RSU1: variants seen among roughly 807,000 people sequenced by gnomAD.
RSU1 encodes Ras suppressor protein 1.
Under a neutral mutation model 31.1 loss-of-function variants are expected in RSU1, and 26 were observed. The observed-to-expected ratio is 0.84, with a 90% CI of 0.61 to 1.16. RSU1 has a LOEUF of 1.16. RSU1 is among the 50% of genes most tolerant of loss of function. The pLI, the probability that RSU1 is intolerant of heterozygous loss-of-function variation, is 0.00. For missense variants in RSU1, 320 were observed against 339.1 expected (o/e 0.94, Z 0.44); for synonymous variants, 164 against 136.3 (o/e 1.20, Z -1.41).
At chr10:16,624,903 C>T (rs955532071) in intron 8 of RSU1, among the ~76,000 whole-genome samples, 3 of 152,146 alleles carry the variant, frequency 2.0e-5, no homozygotes, top group Non-Finnish European at 4.4e-5. Flanking sequence ...CTGAAGGCTA[C>T]AGCTGGCTTC....
At chr10:16,728,431 A>T (rs138500796) in intron 7 of RSU1, among the ~76,000 whole-genome samples, 1 of 152,342 alleles carries the variant, frequency 6.6e-6, no homozygotes, top group African/African-American at 2.4e-5. Context: ...TGGAATCAGG[A>T]TCAGGAAGTG....
At position 16,702,980 on chromosome 10, in the gene RSU1, T is replaced by G. The variant is rs115876235; in HGVS notation, c.599-7825A>C. Among the ~76,000 whole-genome samples, 1,219 of 152,288 alleles carry G rather than the reference T, an allele frequency of 8.0e-3. 22 individuals are homozygous for G. Among genetic ancestry groups the G allele is most frequent in the South Asian group, 0.024 (118 of 4,822 alleles). ...CATAAGAGTAATCCTTCATGAATGA[T>G]TTAGCAACATCCCTCTGGTGCTGTT... On this transcript the variant is annotated intron_variant, in intron 7 of 8. Coordinates refer to ENST00000345264, the MANE Select transcript of RSU1 (RefSeq NM_012425.4).
At chr10:16,709,394 A>G (rs1346333302) in intron 7 of RSU1, among the ~76,000 whole-genome samples, 12 of 152,224 alleles carry the variant, frequency 7.9e-5, no homozygotes, top group Non-Finnish European at 1.6e-4. Context: ...CCAGTCTATC[A>G]TTGTTGGACA....
At chr10:16,755,977 C>A (rs1162111836) in intron 4 of RSU1, among the ~76,000 whole-genome samples, 4 of 152,214 alleles carry the variant, frequency 2.6e-5, no homozygotes, top group Non-Finnish European at 5.9e-5. Context: ...CAAACCATTA[C>A]AAAATATCTT....
chr10:16,690,651 T>C (rs1835529989), intron 8 of RSU1, among the ~76,000 whole-genome samples: 1 of 152,216 alleles, frequency 6.6e-6, no homozygotes, highest in Non-Finnish European at 1.5e-5. Flanking sequence ...CATTAGAGCC[T>C]ATAAATCAGA....
intron 4 of RSU1, among the ~76,000 whole-genome samples, chr10:16,764,121 T>C (rs1837263527): frequency 6.6e-6 from 1 of 152,212 alleles, no homozygotes; most frequent in African/African-American, 2.4e-5. Context: ...AGAACTGAGA[T>C]AAAATTTTAC....
intron 8 of RSU1, among the ~76,000 whole-genome samples, chr10:16,670,595 A>G (rs547080552): frequency 1.3e-5 from 2 of 152,272 alleles, no homozygotes; most frequent in Admixed American, 1.3e-4. Context: ...TTGCTTCCTG[A>G]ATTCCAAGCC....
intron 8 of RSU1, among the ~76,000 whole-genome samples, chr10:16,618,682 C>T (rs373898782): frequency 6.6e-5 from 10 of 152,258 alleles, no homozygotes; most frequent in Middle Eastern, 3.4e-3. Context: ...TTTGCAGGGA[C>T]ATGGATGAAG....
chr10:16,602,538 G>T (rs1392231614), intron 8 of RSU1, among the ~76,000 whole-genome samples: 4 of 152,200 alleles, frequency 2.6e-5, no homozygotes, highest in Non-Finnish European at 5.9e-5. Flanking sequence ...CTGCAGGGCA[G>T]GGAGTGCAGG....
At chr10:16,795,922 T>C (rs1408554058) in intron 2 of RSU1, among the ~76,000 whole-genome samples, 1 of 152,178 alleles carries the variant, frequency 6.6e-6, no homozygotes, top group Non-Finnish European at 1.5e-5. Flanking sequence ...CATTCTCCGC[T>C]TGAGCAGCAG....
At chr10:16,754,597 G>T (rs1837046288) in intron 5 of RSU1, among the ~76,000 whole-genome samples, 1 of 147,192 alleles carries the variant, frequency 6.8e-6, no homozygotes, top group Non-Finnish European at 1.5e-5. Flanking sequence ...AAGTCTCTTA[G>T]CTAAATGTGA....
intron 3 of RSU1, among the ~76,000 whole-genome samples, chr10:16,780,879 T>G (rs914931240): frequency 2.0e-5 from 3 of 152,202 alleles, no homozygotes; most frequent in Non-Finnish European, 2.9e-5. Flanking sequence ...CACCACTACT[T>G]AAGTGTGACA....
chr10:16,767,875 C>G (rs1286484673), intron 3 of RSU1, among the ~76,000 whole-genome samples: 3 of 152,150 alleles, frequency 2.0e-5, no homozygotes, highest in South Asian at 2.1e-4. Flanking sequence ...CAACCAAACT[C>G]TCTGAAAAAA....
At chr10:16,612,067 A>G (rs1833899146) in intron 8 of RSU1, among the ~76,000 whole-genome samples, 1 of 152,178 alleles carries the variant, frequency 6.6e-6, no homozygotes, top group Non-Finnish European at 1.5e-5. Context: ...AGAAATACAG[A>G]GTGCTCAGCA....
chr10:16,663,629 C>T (rs899024183), intron 8 of RSU1, among the ~76,000 whole-genome samples: 2 of 152,152 alleles, frequency 1.3e-5, no homozygotes, highest in Admixed American at 6.5e-5. Flanking sequence ...AATAGCCACT[C>T]GCCGCGCAGT....
intron 2 of RSU1, among the ~76,000 whole-genome samples, chr10:16,800,794 G>C (rs1348600353): frequency 6.6e-6 from 1 of 152,068 alleles, no homozygotes; most frequent in Non-Finnish European, 1.5e-5. Flanking sequence ...AAACTCTAGG[G>C]CTATCATTAA....
chr10:16,759,819 G>A (rs1837171298), intron 4 of RSU1, among the ~76,000 whole-genome samples: 1 of 152,196 alleles, frequency 6.6e-6, no homozygotes, highest in Non-Finnish European at 1.5e-5. Flanking sequence ...ATTCTCTCAT[G>A]TCTTACAATC....
At chr10:16,789,204 G>A (rs1837861063) in intron 2 of RSU1, among the ~76,000 whole-genome samples, 2 of 152,176 alleles carry the variant, frequency 1.3e-5, no homozygotes, top group African/African-American at 2.4e-5. Flanking sequence ...TTTAAAAGTT[G>A]TGTTTTCTTT....
intron 8 of RSU1, among the ~76,000 whole-genome samples, chr10:16,631,172 C>A (rs1048335850): frequency 3.9e-5 from 6 of 152,156 alleles, no homozygotes; most frequent in Non-Finnish European, 5.9e-5. Flanking sequence ...TTAATTTGGC[C>A]ATCACAGAGA....
Sources: gnomAD v4.1 joint callset for allele counts (sites outside exome capture counted in the v4.1 genomes callset) on GRCh38, gnomAD v4.1.1 for gene constraint, MANE v1.5 for transcripts, NCBI Gene and HGNC (gene_info 2026-07-23, HGNC 2026-07-21) for gene names.